The following TTC7B variants were observed in gnomAD, a reference collection of about 807,000 sequenced individuals.
The protein encoded by TTC7B is tetratricopeptide repeat domain 7B.
TTC7B carries 28 observed loss-of-function variants against 106.8 expected under a neutral mutation model. The observed-to-expected ratio is 0.26, with a 90% CI of 0.19 to 0.36. The LOEUF (loss-of-function observed/expected upper bound fraction) is 0.36. Ranked by LOEUF, TTC7B falls within the 10% of genes least tolerant of loss-of-function variation. The pLI is 1.00. For missense variants in TTC7B, 862 were observed against 1,076.4 expected, an observed-to-expected ratio of 0.80 and a Z score of 2.79; for synonymous variants, 405 against 430.6, an observed-to-expected ratio of 0.94 and a Z score of 0.74.
In TTC7B at chr14:90,590,865, G is replaced by A. The variant is rs190777138; in HGVS notation, c.2107+2621C>T. ...ATTCGTCCTACACACAATGCTCACCGTATGCATACAGCACAGTCTGCTCAG... is the reference window on the plus strand; with the variant it reads ...ATTCGTCCTACACACAATGCTCACCATATGCATACAGCACAGTCTGCTCAG... On this transcript the variant is annotated intron_variant, in intron 18 of 19. Transcript: ENST00000328459. Among the ~76,000 whole-genome samples, 241 of 152,312 alleles carry A rather than the reference G, an allele frequency of 1.6e-3. 1 individual carries two copies. The highest frequency in any genetic ancestry group is 3.4e-3 in the Middle Eastern group (1 of 294).
intron 18 of TTC7B, among the ~76,000 whole-genome samples, chr14:90,587,232 A>G (rs769814036): frequency 3.3e-5 from 5 of 152,184 alleles, no homozygotes; most frequent in Non-Finnish European, 1.5e-5. Flanking sequence ...AGTAGTGCCC[A>G]GCTTGGAGTG....
At chr14:90,750,118 A>C (rs1890093796) in intron 3 of TTC7B, among the ~76,000 whole-genome samples, 2 of 152,232 alleles carry the variant, frequency 1.3e-5, no homozygotes, top group Non-Finnish European at 2.9e-5. Context: ...GAATAGTTCC[A>C]AAGCTACTCA....
chr14:90,573,925 C>G (rs2139799796), intron 19 of TTC7B, among the ~76,000 whole-genome samples: 1 of 152,376 alleles, frequency 6.6e-6, no homozygotes, highest in East Asian at 1.9e-4. Flanking sequence ...CCATGTTCTT[C>G]TCTCTCCTGA....
chr14:90,551,842 G>A (rs575426371), intron 19 of TTC7B, among the ~76,000 whole-genome samples: 18 of 152,332 alleles, frequency 1.2e-4, no homozygotes, highest in African/African-American at 3.8e-4. Flanking sequence ...TGCAGCTGAG[G>A]GGGCAGCCCT....
At chr14:90,715,485 C>T (rs1387773256) in intron 5 of TTC7B, among the ~76,000 whole-genome samples, 1 of 152,088 alleles carries the variant, frequency 6.6e-6, no homozygotes, top group Non-Finnish European at 1.5e-5. Flanking sequence ...TTATCAAACC[C>T]TTACATAGTA....
At chr14:90,620,063 G>A (rs929599339) in intron 15 of TTC7B, among the ~76,000 whole-genome samples, 2 of 152,076 alleles carry the variant, frequency 1.3e-5, no homozygotes, top group South Asian at 2.1e-4. Flanking sequence ...CACACCAAGC[G>A]CCCCCAGCGA....
At chr14:90,706,071 T>C (rs1888196060) in intron 5 of TTC7B, among the ~76,000 whole-genome samples, 1 of 152,220 alleles carries the variant, frequency 6.6e-6, no homozygotes, top group South Asian at 2.1e-4. Flanking sequence ...CAGCCCTTGG[T>C]ATTCAACACT....
At chr14:90,571,499 C>A (rs189355437) in intron 19 of TTC7B, among the ~76,000 whole-genome samples, 1 of 152,144 alleles carries the variant, frequency 6.6e-6, no homozygotes, top group African/African-American at 2.4e-5. Context: ...ACTTCATAAG[C>A]CTTGCTCTAG....
At chr14:90,658,478 T>G in intron 9 of TTC7B, 91 bp from the exon 10 acceptor site, 1 of 1,219,622 alleles carries the variant, frequency 8.2e-7, no homozygotes, top group South Asian at 1.2e-5. Flanking sequence ...CACACTAAGG[T>G]AAGTCCCATA....
intron 1 of TTC7B, among the ~76,000 whole-genome samples, 178 bp from the exon 2 acceptor site, chr14:90,786,506 T>A (rs900411833): frequency 6.6e-6 from 1 of 152,188 alleles, no homozygotes. Context: ...TGAATTCAGT[T>A]CATTTAAAGA....
At chr14:90,776,852 C>T (rs1038265927) in intron 3 of TTC7B, among the ~76,000 whole-genome samples, 1 of 152,154 alleles carries the variant, frequency 6.6e-6, no homozygotes, top group Admixed American at 6.5e-5. Context: ...CTGTAGGACC[C>T]TGGGCAAGTT....
intron 9 of TTC7B, among the ~76,000 whole-genome samples, chr14:90,660,432 G>GAAAAGAAAAGA (rs1886154929): frequency 1.4e-4 from 17 of 122,606 alleles, no homozygotes; most frequent in African/African-American, 5.3e-4. Context: ...GAAAAGAAAA[G>GAAAAGAAAAGA]AAAAGAAAAA....
intron 19 of TTC7B, among the ~76,000 whole-genome samples, chr14:90,545,852 A>G (rs1276304916): frequency 2.6e-5 from 4 of 152,246 alleles, no homozygotes; most frequent in Non-Finnish European, 4.4e-5. Context: ...GAGCCTCTGC[A>G]GTGCTCTGGT....
intron 3 of TTC7B, chr14:90,766,615 A>T: frequency 1.0e-6 from 1 of 961,472 alleles, no homozygotes; most frequent in Non-Finnish European, 1.7e-6. Flanking sequence ...AACAGCCTTT[A>T]CCATCCCTGC....
intron 15 of TTC7B, among the ~76,000 whole-genome samples, chr14:90,638,697 C>G (rs948223871): frequency 6.6e-6 from 1 of 152,194 alleles, no homozygotes; most frequent in Non-Finnish European, 1.5e-5. Flanking sequence ...ATTCCAAAAT[C>G]TCCAGAAGTT....
intron 13 of TTC7B, among the ~76,000 whole-genome samples, chr14:90,650,422 A>G (rs1885666679): frequency 6.6e-6 from 1 of 152,208 alleles, no homozygotes; most frequent in South Asian, 2.1e-4. Flanking sequence ...TGGTTTGTCC[A>G]GGATGTTCCT....
intron 19 of TTC7B, among the ~76,000 whole-genome samples, chr14:90,565,470 C>A (rs954658165): frequency 7.1e-6 from 1 of 140,226 alleles, no homozygotes; most frequent in Non-Finnish European, 1.5e-5. Context: ...GGCGTGATCT[C>A]GGCTCACTGC....
intron 4 of TTC7B, among the ~76,000 whole-genome samples, chr14:90,741,480 A>T (rs1889762335): frequency 6.6e-6 from 1 of 152,162 alleles, no homozygotes; most frequent in African/African-American, 2.4e-5. Flanking sequence ...CACCATGGAG[A>T]GGCCACCTCT....
intron 19 of TTC7B, among the ~76,000 whole-genome samples, chr14:90,558,946 A>G (rs1308267907): frequency 6.6e-6 from 1 of 152,234 alleles, no homozygotes; most frequent in Non-Finnish European, 1.5e-5. Flanking sequence ...TGCCGCCTGG[A>G]AACTGCATAG....
Sources: gnomAD v4.1 joint callset for allele counts (sites outside exome capture counted in the v4.1 genomes callset) on GRCh38, gnomAD v4.1.1 for gene constraint, MANE v1.5 for transcripts, NCBI Gene and HGNC (gene_info 2026-07-23, HGNC 2026-07-21) for gene names.